The following SUZ12 variants were observed in gnomAD, a reference collection of about 807,000 sequenced individuals.
SUZ12 encodes the protein SUZ12 polycomb repressive complex 2 subunit.
A neutral mutation model predicts 87.3 loss-of-function variants in SUZ12; 17 were observed. That is an observed-to-expected ratio of 0.19 (90% confidence interval 0.13 to 0.29). The LOEUF is 0.29. SUZ12 is among the 10% of genes least tolerant of loss of function. SUZ12 has a pLI of 1.00. For missense variants in SUZ12, 526 were observed against 912.2 expected, an observed-to-expected ratio of 0.58 and a Z score of 5.45; for synonymous variants, 253 against 312.4, an observed-to-expected ratio of 0.81 and a Z score of 2.01.
intron 4 of SUZ12, among the ~76,000 whole-genome samples, chr17:31,962,997 A>T (rs1361854179): frequency 6.6e-6 from 1 of 152,240 alleles, no homozygotes; most frequent in Non-Finnish European, 1.5e-5. Flanking sequence ...TAATTCTGCT[A>T]TGTAAGGTAG....
At chr17:31,986,404 AT>A (rs1248773356) in intron 9 of SUZ12, among the ~76,000 whole-genome samples, 5 of 151,854 alleles carry the variant, frequency 3.3e-5, no homozygotes, top group Non-Finnish European at 7.4e-5. Flanking sequence ...GGGTTATTTG[AT>A]TTTTTTTAAT....
intron 9 of SUZ12, among the ~76,000 whole-genome samples, chr17:31,985,631 T>G (rs2142199055): frequency 6.6e-6 from 1 of 151,276 alleles, no homozygotes; most frequent in African/African-American, 2.4e-5. Context: ...ATGAAGAGTT[T>G]TTGTTGTTGT....
intron 4 of SUZ12, among the ~76,000 whole-genome samples, chr17:31,949,818 G>A (rs1188541824): frequency 6.7e-6 from 1 of 150,206 alleles, no homozygotes; most frequent in African/African-American, 2.5e-5. Flanking sequence ...TGAATAGCTG[G>A]GAATACAGAC....
At chr17:31,997,023 T>A in intron 15 of SUZ12, 146 bp downstream of exon 15, 1 of 581,548 alleles carries the variant, frequency 1.7e-6, no homozygotes, top group Non-Finnish European at 2.6e-6. Flanking sequence ...TATTCCAATG[T>A]TTTTTGGTTT....
intron 4 of SUZ12, among the ~76,000 whole-genome samples, chr17:31,950,785 CT>C (rs935244189): frequency 6.4e-4 from 94 of 146,118 alleles, no homozygotes; most frequent in Admixed American, 7.5e-4. Flanking sequence ...CATTTATGTT[CT>C]TTTTTTTTTT....
At chr17:31,953,192 G>A (rs1304112752) in intron 4 of SUZ12, among the ~76,000 whole-genome samples, 4 of 151,606 alleles carry the variant, frequency 2.6e-5, no homozygotes, top group African/African-American at 7.3e-5. Flanking sequence ...TGCAACCTCC[G>A]CCTCCCAGGT....
At chr17:31,985,421 T>G (rs987239237) in intron 9 of SUZ12, among the ~76,000 whole-genome samples, 1 of 151,334 alleles carries the variant, frequency 6.6e-6, no homozygotes, top group Non-Finnish European at 1.5e-5. Flanking sequence ...AATTTTTACA[T>G]AACTGTATAC....
chr17:31,995,461 A>G (rs1909926602), intron 13 of SUZ12, 103 bp from the exon 14 acceptor site: 1 of 860,740 alleles, frequency 1.2e-6, no homozygotes, highest in Non-Finnish European at 1.8e-6. Flanking sequence ...TTAGTTTTAT[A>G]AAAGGGTGAT....
chr17:31,995,854 AC>A, intron 14 of SUZ12, 92 bp downstream of exon 14: 1 of 941,278 alleles, frequency 1.1e-6, no homozygotes, highest in Non-Finnish European at 1.6e-6. Flanking sequence ...TTGTAAAGGA[AC>A]TTTTTTTAAA....
chr17:31,973,280 A>G, intron 6 of SUZ12, 49 bp downstream of exon 6: 1 of 1,302,926 alleles, frequency 7.7e-7, no homozygotes, highest in Non-Finnish European at 1.1e-6. Flanking sequence ...TAATTTGCTT[A>G]ATTGGACATC....
rs1478691891 is a variant in SUZ12 at position 31,993,785 on chromosome 17, A to G, written c.1294-80A>G. The stretch of plus-strand genomic sequence containing the variant: ...ATTTTCCGCTTAAATTTTTTAAACT[A>G]TTTTTAGAAGTGATATTTAAACAAA... On this transcript the variant is annotated intron_variant, in intron 11 of 15. Transcript: ENST00000322652. 5 of 1,388,836 alleles carry G rather than the reference A, an allele frequency of 3.6e-6. No individual in the cohort carries two copies. The African/African-American group carries it at 7.4e-5, about 20-fold the overall frequency. 86.0% of individuals were successfully genotyped at this position (1,388,836 alleles called of 1,614,324 possible). A position where few individuals can be genotyped will look rare whatever the true frequency, so the allele number is the denominator to read the frequency against.
intron 10 of SUZ12, among the ~76,000 whole-genome samples, chr17:31,988,953 T>G (rs1391387206): frequency 6.6e-6 from 1 of 151,478 alleles, no homozygotes; most frequent in Non-Finnish European, 1.5e-5. Flanking sequence ...GCACCTGTAG[T>G]CCCAGCTACT....
At chr17:31,947,468 T>C in intron 3 of SUZ12, 149 bp from the exon 4 acceptor site, 1 of 1,037,972 alleles carries the variant, frequency 9.6e-7, no homozygotes, top group Non-Finnish European at 1.4e-6. Flanking sequence ...CTCCATAGTA[T>C]TCATTGTTAT....
At chr17:31,953,827 C>T (rs1486237185) in intron 4 of SUZ12, among the ~76,000 whole-genome samples, 1 of 151,034 alleles carries the variant, frequency 6.6e-6, no homozygotes, top group Admixed American at 6.6e-5. Context: ...AGTTCTCCTG[C>T]CTTGGCCTCC....
chr17:31,944,162 CT>C (rs1567812073), intron 3 of SUZ12, among the ~76,000 whole-genome samples: 1 of 151,708 alleles, frequency 6.6e-6, no homozygotes, highest in East Asian at 1.9e-4. Flanking sequence ...GAGTTTCGCT[CT>C]TGTTGCCCAG....
At position 31,937,154 on chromosome 17, in the gene SUZ12, G is replaced by A. The variant is rs1905975264; in HGVS notation, c.-93G>A. ...CTCCTCCTTCCCCCCTCGGTCCGCC[G>A]GAGCCTGCTGGGGCGAGCGGTTGGT... On this transcript the variant is annotated 5_prime_UTR_variant, in exon 1 of 16. Transcript: ENST00000322652. 2 of 1,142,326 alleles carry A rather than the reference G, an allele frequency of 1.8e-6. No individual in the cohort carries two copies. Among genetic ancestry groups the A allele is most frequent in the South Asian group, 2.3e-5 (1 of 44,386 alleles). The allele number at this position is 1,142,326 out of a possible 1,614,324, so 70.8% of individuals were successfully genotyped here.
chr17:31,975,426 T>G, intron 6 of SUZ12, 56 bp from the exon 7 acceptor site: 1 of 1,227,230 alleles, frequency 8.1e-7, no homozygotes, highest in Non-Finnish European at 1.1e-6. Flanking sequence ...AGTTTTATTA[T>G]AATTCTTATT....
intron 5 of SUZ12, chr17:31,967,615 C>T (rs1908175397): frequency 6.6e-6 from 1 of 152,548 alleles, no homozygotes; most frequent in Middle Eastern, 3.3e-3. Context: ...CCTGGTGGCT[C>T]ATGTCTGTAA....
At chr17:31,966,230 A>G in intron 5 of SUZ12, 34 bp downstream of exon 5, 1 of 1,539,194 alleles carries the variant, frequency 6.5e-7, no homozygotes, top group Non-Finnish European at 8.9e-7. Context: ...GTGGCATTTT[A>G]ATAGCAAGAT....
Sources: gnomAD v4.1 joint callset for allele counts (sites outside exome capture counted in the v4.1 genomes callset) on GRCh38, gnomAD v4.1.1 for gene constraint, MANE v1.5 for transcripts, NCBI Gene and HGNC (gene_info 2026-07-23, HGNC 2026-07-21) for gene names.